Variants in BRAF observed in about 807,000 individuals in gnomAD.
The protein encoded by BRAF is serine/threonine-protein kinase B-raf.
In BRAF, 16 loss-of-function variants were observed where a neutral mutation model predicts 104.6. The ratio of observed to expected loss-of-function variants is 0.15; its 90% CI spans 0.10 to 0.23. BRAF has a LOEUF of 0.23. BRAF is among the 10% of genes least tolerant of loss of function. BRAF has a pLI of 1.00. For synonymous variants in BRAF, 310 were observed against 341.6 expected, an observed-to-expected ratio of 0.91 and a Z score of 1.02; for missense variants, 541 against 937.3, an observed-to-expected ratio of 0.58 and a Z score of 5.52.
intron 18 of BRAF, among the ~76,000 whole-genome samples, chr7:140,736,134 G>A (rs1357150175): frequency 3.4e-5 from 5 of 146,906 alleles, no homozygotes; most frequent in African/African-American, 1.0e-4. Context: ...GCAGTGGCGC[G>A]ATCTCAGCTC....
At chr7:140,814,733 CAT>C (rs1170755062) in intron 3 of BRAF, among the ~76,000 whole-genome samples, 1 of 141,236 alleles carries the variant, frequency 7.1e-6, no homozygotes, top group Non-Finnish European at 1.5e-5. Context: ...TTATATATAA[CAT>C]AATTTATATA....
At chr7:140,800,504 C>A (rs773623155) in intron 6 of BRAF, 23 bp from the exon 7 acceptor site, 30 of 1,613,884 alleles carry the variant, frequency 1.9e-5, no homozygotes, top group Non-Finnish European at 2.3e-5. Flanking sequence ...ACAAAACAAA[C>A]CTAACTTGTG....
rs1313677137 is a variant in BRAF at position 140,723,478 on chromosome 7, G to T, written c.*3016C>A. On this transcript the variant is annotated 3_prime_UTR_variant, in exon 20 of 20. Transcript: ENST00000644969. ...GTGAGATATTCGGGAACCAGAATTT[G>T]ACAGCTAGACAGAATCTTCTTTTAA... is the stretch of plus-strand genomic sequence containing the variant. 64 of 1,052,978 alleles carry T rather than the reference G, an allele frequency of 6.1e-5. No individual in the cohort carries two copies. The highest frequency in any genetic ancestry group is 6.9e-5 in the Non-Finnish European group (60 of 872,150). 65.2% of individuals were successfully genotyped at this position (1,052,978 alleles called of 1,614,324 possible).
chr7:140,766,996 G>C (rs1799392914), intron 14 of BRAF, among the ~76,000 whole-genome samples: 1 of 151,904 alleles, frequency 6.6e-6, no homozygotes, highest in Non-Finnish European at 1.5e-5. Flanking sequence ...CTCAGTGAAA[G>C]ATGTTTTATT....
chr7:140,922,860 G>A (rs1818374166), intron 1 of BRAF, among the ~76,000 whole-genome samples: 1 of 151,978 alleles, frequency 6.6e-6, no homozygotes, highest in Admixed American at 6.6e-5. Flanking sequence ...CCAAAAGCCA[G>A]GAAACAAGGC....
intron 14 of BRAF, among the ~76,000 whole-genome samples, chr7:140,769,341 G>T (rs987773557): frequency 6.6e-6 from 1 of 151,682 alleles, no homozygotes; most frequent in Non-Finnish European, 1.5e-5. Flanking sequence ...GCCTTCCAAG[G>T]TGCTGGAATT....
intron 19 of BRAF, among the ~76,000 whole-genome samples, chr7:140,730,292 A>C (rs1795866187): frequency 6.6e-6 from 1 of 151,928 alleles, no homozygotes; most frequent in African/African-American, 2.4e-5. Flanking sequence ...ATATTAATTA[A>C]TAAAAAAAAA....
intron 14 of BRAF, among the ~76,000 whole-genome samples, chr7:140,774,934 G>A (rs957931017): frequency 8.5e-5 from 13 of 152,108 alleles, no homozygotes; most frequent in Admixed American, 2.0e-4. Flanking sequence ...TACTGAGTAT[G>A]CCAGGTCCCA....
chr7:140,762,857 G>A (rs962023232), intron 14 of BRAF, among the ~76,000 whole-genome samples: 112 of 152,320 alleles, frequency 7.4e-4, no homozygotes, highest in Non-Finnish European at 1.1e-3. Context: ...AGCACATCTT[G>A]CACCGCCCTT....
intron 1 of BRAF, among the ~76,000 whole-genome samples, chr7:140,884,377 C>T (rs1207509892): frequency 2.0e-5 from 3 of 150,778 alleles, no homozygotes; most frequent in African/African-American, 7.3e-5. Context: ...ATCAGCTCCC[C>T]ATTACAGGGA....
In BRAF at chr7:140,720,536, A is replaced by G. The variant is rs902077574; in HGVS notation, c.*5958T>C. On this transcript the variant is annotated 3_prime_UTR_variant, in exon 20 of 20. Transcript: ENST00000644969. ...TACACAAATGTATTAGGAAGGAATG[A>G]TTCTTAAAAAAACCGTTCACAGCTT... 5.6e-6 allele frequency: 6 copies of G among 1,065,140 alleles called. No homozygotes were observed. The African/African-American group carries it at 9.8e-5, about 17-fold the overall frequency. 66.0% of individuals were successfully genotyped at this position (1,065,140 alleles called of 1,614,324 possible).
intron 7 of BRAF, among the ~76,000 whole-genome samples, chr7:140,798,651 G>A (rs1348609918): frequency 6.7e-6 from 1 of 148,380 alleles, no homozygotes; most frequent in Admixed American, 6.8e-5. Flanking sequence ...ACACAGACCT[G>A]TGTCAGAAAT....
rs1797606436 is a variant in BRAF at position 140,749,413 on chromosome 7, T to C, written c.1986A>G (p.Pro662=). 2 of 1,612,940 alleles carry C rather than the reference T, an allele frequency of 1.2e-6. No homozygotes were observed. Among genetic ancestry groups the C allele is most frequent in the Non-Finnish European group, 1.7e-6 (2 of 1,179,356 alleles). Residue 662 remains proline, a synonymous_variant, in exon 17 of 20, where the codon CCA becomes CCG. Coordinates refer to ENST00000644969, the MANE Select transcript of BRAF (RefSeq NM_001374258.1). ...TTTTATCTTGCATTCTGATGACTTC[T>C]GGTGCCTGTTAGAACATACAAAGAA... ...QLSGSILWMA[P]EVIRMQDKNP...
At chr7:140,825,590 C>A (rs1370629008) in intron 3 of BRAF, among the ~76,000 whole-genome samples, 1 of 152,098 alleles carries the variant, frequency 6.6e-6, no homozygotes, top group Non-Finnish European at 1.5e-5. Context: ...ATACAGTAAA[C>A]CTTCTTGGAC....
At chr7:140,786,129 T>TA (rs1801326581) in intron 9 of BRAF, among the ~76,000 whole-genome samples, 1 of 151,960 alleles carries the variant, frequency 6.6e-6, no homozygotes, top group Non-Finnish European at 1.5e-5. Flanking sequence ...TATTAAGACA[T>TA]ACGAAAGTCA....
At chr7:140,808,117 T>C in intron 4 of BRAF, 55 bp from the exon 5 acceptor site, 3 of 1,334,494 alleles carry the variant, frequency 2.2e-6, no homozygotes, top group Non-Finnish European at 2.2e-6. Context: ...AATATTCATA[T>C]ACCTCATGCT....
chr7:140,807,380 T>C (rs923856921), intron 5 of BRAF, among the ~76,000 whole-genome samples: 2 of 152,140 alleles, frequency 1.3e-5, no homozygotes, highest in Non-Finnish European at 2.9e-5. Context: ...TTAAATATAA[T>C]GAATTCCTAT....
chr7:140,892,051 T>C (rs1408885811), intron 1 of BRAF, among the ~76,000 whole-genome samples: 1 of 151,416 alleles, frequency 6.6e-6, no homozygotes, highest in Admixed American at 6.6e-5. Context: ...AGGTCAGGAG[T>C]TCAAGACCAG....
chr7:140,879,096 T>G (rs1350530698), intron 1 of BRAF, among the ~76,000 whole-genome samples: 1 of 151,860 alleles, frequency 6.6e-6, no homozygotes, highest in African/African-American at 2.4e-5. Flanking sequence ...CAGGCTAGTC[T>G]CGAACTCCTG....
Sources: gnomAD v4.1 joint callset for allele counts (sites outside exome capture counted in the v4.1 genomes callset) on GRCh38, gnomAD v4.1.1 for gene constraint, MANE v1.5 for transcripts, NCBI Gene and HGNC (gene_info 2026-07-23, HGNC 2026-07-21) for gene names.